The following ZNF521 variants were observed in gnomAD, a reference collection of about 807,000 sequenced individuals.
The protein encoded by ZNF521 is LYST-interacting protein 3.
Under a neutral mutation model 105.5 loss-of-function variants are expected in ZNF521, and 14 were observed. The ratio of observed to expected loss-of-function variants is 0.13; its 90% CI spans 0.09 to 0.21. ZNF521 has a LOEUF of 0.21. Ranked by LOEUF, ZNF521 falls within the 10% of genes least tolerant of loss-of-function variation. The pLI is 1.00. For synonymous variants in ZNF521, 635 were observed against 606.0 expected (o/e 1.05, Z -0.70); for missense variants, 1,233 against 1,629.7 (o/e 0.76, Z 4.19).
intron 2 of ZNF521, among the ~76,000 whole-genome samples, chr18:25,338,706 CCAGT>C (rs1211909105): frequency 2.6e-5 from 4 of 152,212 alleles, no homozygotes; most frequent in African/African-American, 9.6e-5. Context: ...GCCATTGCGC[CCAGT>C]CATTTTCTTT....
At chr18:25,207,245 C>G (rs2036097745) in intron 4 of ZNF521, among the ~76,000 whole-genome samples, 1 of 152,156 alleles carries the variant, frequency 6.6e-6, no homozygotes, top group Admixed American at 6.5e-5. Flanking sequence ...TTGCCCATGA[C>G]TCACAGAAAG....
At position 25,081,072 on chromosome 18, in the gene ZNF521, G is replaced by A. The variant is rs200358177; in HGVS notation, c.3906+8393C>T. ...GGCTGTCTTGGCGACATGGAAGATGGCAGGGCCAGCAGAGCCCAGCCAAAG... is the reference window on the plus strand; with the variant it reads ...GGCTGTCTTGGCGACATGGAAGATGACAGGGCCAGCAGAGCCCAGCCAAAG... On this transcript the variant is annotated intron_variant, in intron 7 of 7. Coordinates refer to ENST00000361524, the MANE Select transcript of ZNF521 (RefSeq NM_015461.3). Among the ~76,000 whole-genome samples the A allele has an allele frequency of 4.6e-5, 7 of 150,632 alleles. No homozygotes were observed. In the East Asian group the frequency reaches 9.9e-4, roughly 21 times the overall value.
intron 5 of ZNF521, among the ~76,000 whole-genome samples, chr18:25,119,813 G>T (rs1174143312): frequency 1.3e-5 from 2 of 151,576 alleles, no homozygotes; most frequent in East Asian, 3.9e-4. Flanking sequence ...TATAAGAAAA[G>T]AAACAATAAA....
intron 3 of ZNF521, among the ~76,000 whole-genome samples, chr18:25,242,703 G>A (rs1266186854): frequency 1.3e-5 from 2 of 152,088 alleles, no homozygotes; most frequent in Non-Finnish European, 2.9e-5. Flanking sequence ...TCATTGTTTA[G>A]CTATCGAATG....
chr18:25,187,409 G>A (rs1327120216), intron 5 of ZNF521, among the ~76,000 whole-genome samples: 1 of 151,618 alleles, frequency 6.6e-6, no homozygotes, highest in Non-Finnish European at 1.5e-5. Context: ...GTAAGAAAAC[G>A]CTTGTTACCT....
chr18:25,092,014 G>A lies in ZNF521; in HGVS notation c.3726C>T (p.Cys1242=), dbSNP rs769007976. ...CTTCGAAGCTGTGCTCTATCAGGTG[G>A]CACTGGAGTTTGGCAGGAGAGTCAA... The part of the protein sequence containing the change: ...QTFDSPAKLQ[C]HLIEHSFEGM... Residue 1242 remains cysteine, a synonymous_variant, in exon 6 of 8, where the codon TGC becomes TGT. Coordinates refer to ENST00000361524, the MANE Select transcript of ZNF521 (RefSeq NM_015461.3). The A allele has an allele frequency of 5.0e-6, 8 of 1,613,916 alleles. No homozygotes were observed. The African/African-American group carries it at 8.0e-5, about 16-fold the overall frequency.
chr18:25,184,288 G>C (rs558484132), intron 5 of ZNF521, among the ~76,000 whole-genome samples: 3 of 152,176 alleles, frequency 2.0e-5, no homozygotes, highest in South Asian at 4.2e-4. Context: ...TGTTACAGTA[G>C]ATAGAAAGTA....
chr18:25,296,147 T>C (rs1007968395), intron 3 of ZNF521, among the ~76,000 whole-genome samples: 7 of 152,216 alleles, frequency 4.6e-5, no homozygotes, highest in African/African-American at 1.7e-4. Context: ...ACCTTGTTAC[T>C]TAGAGTCTAT....
Position 25,203,640 on chromosome 18 carries a change from C to T in ZNF521, c.3574-8396G>A, listed in dbSNP as rs77637634. Among the ~76,000 whole-genome samples, 477 of 152,044 alleles carry T rather than the reference C, an allele frequency of 3.1e-3. 2 individuals are homozygous for T. The highest frequency in any genetic ancestry group is 0.011 in the African/African-American group (451 of 41,456). On this transcript the variant is annotated intron_variant, in intron 4 of 7. Coordinates refer to ENST00000361524, the MANE Select transcript of ZNF521 (RefSeq NM_015461.3). ...CATCTACTACATGCCAGCCCAGTTG[C>T]TTACAGATGGTGGGAAATAGAAAGA... is the stretch of plus-strand genomic sequence containing the variant.
At chr18:25,153,838 A>G (rs1028031383) in intron 5 of ZNF521, among the ~76,000 whole-genome samples, 2 of 152,124 alleles carry the variant, frequency 1.3e-5, no homozygotes, top group African/African-American at 4.8e-5. Context: ...GCACAGTTCT[A>G]AAGGAAGCGA....
intron 3 of ZNF521, among the ~76,000 whole-genome samples, chr18:25,234,480 A>AT (rs1214717237): frequency 6.6e-6 from 1 of 152,130 alleles, no homozygotes; most frequent in African/African-American, 2.4e-5. Context: ...AGCACCTACT[A>AT]TGTGTTCAGG....
At chr18:25,143,292 A>T (rs1359222252) in intron 5 of ZNF521, among the ~76,000 whole-genome samples, 1 of 152,124 alleles carries the variant, frequency 6.6e-6, no homozygotes, top group Non-Finnish European at 1.5e-5. Context: ...CCTAAACAGA[A>T]ATTTATTATC....
chr18:25,184,874 C>A (rs1459851624), intron 5 of ZNF521, among the ~76,000 whole-genome samples: 1 of 152,098 alleles, frequency 6.6e-6, no homozygotes, highest in Admixed American at 6.6e-5. Flanking sequence ...ATCTAATTAT[C>A]CCTTGGTTAA....
chr18:25,285,494 A>ACCTG (rs1910646026), intron 3 of ZNF521, among the ~76,000 whole-genome samples: 1 of 152,202 alleles, frequency 6.6e-6, no homozygotes, highest in Non-Finnish European at 1.5e-5. Flanking sequence ...CAGGCTGGCC[A>ACCTG]TTTAGGGGGA....
At chr18:25,278,656 A>G (rs1347205445) in intron 3 of ZNF521, among the ~76,000 whole-genome samples, 1 of 152,218 alleles carries the variant, frequency 6.6e-6, no homozygotes, top group Non-Finnish European at 1.5e-5. Flanking sequence ...AATACTTTCA[A>G]GTCACTTGCT....
At chr18:25,076,722 TG>T (rs1160390969) in intron 7 of ZNF521, among the ~76,000 whole-genome samples, 1 of 152,212 alleles carries the variant, frequency 6.6e-6, no homozygotes, top group African/African-American at 2.4e-5. Context: ...CCTCCAATAT[TG>T]GAATTTGAGG....
chr18:25,132,557 C>T (rs1481846279), intron 5 of ZNF521, among the ~76,000 whole-genome samples: 1 of 152,138 alleles, frequency 6.6e-6, no homozygotes, highest in Non-Finnish European at 1.5e-5. Context: ...TCTGGCACTG[C>T]TGGCTGTGCT....
intron 6 of ZNF521, among the ~76,000 whole-genome samples, chr18:25,090,883 T>G (rs1173482840): frequency 2.6e-5 from 4 of 152,184 alleles, no homozygotes; most frequent in African/African-American, 9.6e-5. Flanking sequence ...CAGTATATAT[T>G]TTTAAGTATA....
chr18:25,073,001 T>G (rs1371270972), intron 7 of ZNF521, among the ~76,000 whole-genome samples: 2 of 152,164 alleles, frequency 1.3e-5, no homozygotes, highest in Non-Finnish European at 2.9e-5. Context: ...TGCTCTAATT[T>G]TAGATACCTT....
Sources: allele counts gnomAD v4.1 joint callset (sites outside exome capture counted in the v4.1 genomes callset), GRCh38; gene constraint gnomAD v4.1.1; transcripts MANE v1.5; gene names NCBI Gene and HGNC (gene_info 2026-07-23, HGNC 2026-07-21).